ANK2: variants seen among roughly 807,000 people sequenced by gnomAD.
ANK2 encodes ankyrin-2.
Under a neutral mutation model 360.5 loss-of-function variants are expected in ANK2, and 83 were observed. The ratio of observed to expected loss-of-function variants is 0.23; its 90% CI spans 0.19 to 0.28. ANK2 has a LOEUF of 0.28. ANK2 is among the 10% of genes least tolerant of loss of function. ANK2 has a pLI of 1.00. For missense variants in ANK2, 4,201 were observed against 4,795.7 expected (o/e 0.88, Z 3.66); for synonymous variants, 1,740 against 1,759.5 (o/e 0.99, Z 0.28).
the ANK2 span, among the ~76,000 whole-genome samples, chr4:112,726,350 T>C: frequency 6.6e-6 from 1 of 152,154 alleles, no homozygotes; most frequent in Non-Finnish European, 1.5e-5. Flanking sequence ...ATTGTAGACA[T>C]AGTGTCTGTT....
At chr4:113,086,839 G>A (rs1451390422) in intron 1 of ANK2, among the ~76,000 whole-genome samples, 1 of 152,132 alleles carries the variant, frequency 6.6e-6, no homozygotes, top group Non-Finnish European at 1.5e-5. Flanking sequence ...ATAATGCCTG[G>A]GAAGGGAACT....
At chr4:112,715,799 G>A in the ANK2 span, among the ~76,000 whole-genome samples, 2 of 152,076 alleles carry the variant, frequency 1.3e-5, no homozygotes, top group Non-Finnish European at 2.9e-5. Flanking sequence ...GGAAGGCATG[G>A]GACCAGGGGA....
chr4:113,022,927 GA>G (rs1022884203), intron 2 of ANK2, among the ~76,000 whole-genome samples: 14 of 152,158 alleles, frequency 9.2e-5, no homozygotes, highest in African/African-American at 3.4e-4. Context: ...TGTTTGGATT[GA>G]TTTTTTTTTT....
At chr4:112,817,847 A>C (rs1012692501), upstream of ANK2, among the ~76,000 whole-genome samples, 1 of 152,196 alleles carries the variant, frequency 6.6e-6, no homozygotes, top group African/African-American at 2.4e-5. Context: ...TTTAGGCTGC[A>C]ACAAATTCAA....
intron 36 of ANK2, 85 bp downstream of exon 36, chr4:113,348,393 G>C (rs895293370): frequency 2.1e-6 from 3 of 1,442,498 alleles, no homozygotes; most frequent in Non-Finnish European, 2.9e-6. Context: ...TGTGTTCTTA[G>C]ACGGGGTAGG....
At chr4:113,084,001 ATC>A (rs2083479606) in intron 1 of ANK2, among the ~76,000 whole-genome samples, 1 of 152,120 alleles carries the variant, frequency 6.6e-6, no homozygotes, top group South Asian at 2.1e-4. Flanking sequence ...AGGATCTTGT[ATC>A]TCTGATTTGC....
chr4:112,930,570 T>TA (rs933980718), intron 2 of ANK2, among the ~76,000 whole-genome samples: 101 of 149,614 alleles, frequency 6.8e-4, no homozygotes, highest in African/African-American at 2.3e-3. Flanking sequence ...TGTAAACGGT[T>TA]AAAAAAAAAA....
the ANK2 span, among the ~76,000 whole-genome samples, chr4:112,763,641 C>T: frequency 6.6e-6 from 1 of 151,032 alleles, no homozygotes; most frequent in Non-Finnish European, 1.5e-5. Context: ...CAGCCATTCT[C>T]CTGCCTCAAC....
intron 43 of ANK2, 75 bp from the exon 44 acceptor site, chr4:113,373,015 A>G (rs2154073319): frequency 8.2e-7 from 1 of 1,224,606 alleles, no homozygotes; most frequent in South Asian, 1.2e-5. Flanking sequence ...CATTCCTCAC[A>G]TTATAAGCAC....
intron 1 of ANK2, among the ~76,000 whole-genome samples, chr4:112,875,315 G>A (rs565644639): frequency 1.4e-4 from 22 of 151,904 alleles, no homozygotes; most frequent in Admixed American, 6.6e-4. Context: ...ACTGCGCTCC[G>A]CCTAATTATG....
intron 2 of ANK2, among the ~76,000 whole-genome samples, chr4:112,963,364 A>G (rs376195769): frequency 2.6e-5 from 4 of 152,164 alleles, no homozygotes; most frequent in East Asian, 1.9e-4. Flanking sequence ...TCATGCATCT[A>G]TTATTGCCTA....
At chr4:113,095,141 C>T (rs1032941243) in intron 1 of ANK2, among the ~76,000 whole-genome samples, 2 of 152,184 alleles carry the variant, frequency 1.3e-5, no homozygotes, top group African/African-American at 4.8e-5. Flanking sequence ...TGTTGGGATT[C>T]CTCAGTGGCA....
chr4:112,999,332 A>G (rs1221967195), intron 2 of ANK2, among the ~76,000 whole-genome samples: 1 of 152,156 alleles, frequency 6.6e-6, no homozygotes, highest in Non-Finnish European at 1.5e-5. Context: ...ATATTATCTT[A>G]TTTGAGTCTC....
At chr4:113,071,484 G>A (rs1580730493) in intron 1 of ANK2, among the ~76,000 whole-genome samples, 1 of 152,166 alleles carries the variant, frequency 6.6e-6, no homozygotes, top group East Asian at 1.9e-4. Flanking sequence ...TGGCTGCCTA[G>A]ATAATGCTTG....
chr4:113,215,596 A>G (rs921224998), intron 4 of ANK2, among the ~76,000 whole-genome samples: 2 of 152,104 alleles, frequency 1.3e-5, no homozygotes, highest in Non-Finnish European at 2.9e-5. Flanking sequence ...TATTAACTTT[A>G]CCTTGGTATA....
chr4:113,082,413 A>G (rs2082778544), intron 1 of ANK2, among the ~76,000 whole-genome samples: 1 of 152,180 alleles, frequency 6.6e-6, no homozygotes, highest in Non-Finnish European at 1.5e-5. Context: ...TTTTGGGATC[A>G]TAGGTGTGAG....
chr4:113,188,463 C>T (rs2098587328), intron 2 of ANK2, among the ~76,000 whole-genome samples: 1 of 152,096 alleles, frequency 6.6e-6, no homozygotes, highest in African/African-American at 2.4e-5. Context: ...TAGGGGGAAA[C>T]TTCTTTTGGT....
At chr4:113,209,093 T>C (rs2098989884) in intron 4 of ANK2, among the ~76,000 whole-genome samples, 1 of 151,770 alleles carries the variant, frequency 6.6e-6, no homozygotes, top group Non-Finnish European at 1.5e-5. Context: ...TACAAAACTA[T>C]AACAACTCAA....
chr4:113,094,451 C>T (rs1320476448), intron 1 of ANK2, among the ~76,000 whole-genome samples: 2 of 151,886 alleles, frequency 1.3e-5, no homozygotes, highest in Non-Finnish European at 2.9e-5. Flanking sequence ...ATTATGGATT[C>T]AAAACAATAC....
Sources: allele counts gnomAD v4.1 joint callset (sites outside exome capture counted in the v4.1 genomes callset), GRCh38; gene constraint gnomAD v4.1.1; transcripts MANE v1.5; gene names NCBI Gene and HGNC (gene_info 2026-07-23, HGNC 2026-07-21).